MGME1: variants seen among roughly 807,000 people sequenced by gnomAD.
MGME1 encodes mitochondrial genome maintenance exonuclease 1.
MGME1 carries 22 observed loss-of-function variants against 33.0 expected under a neutral mutation model. The ratio of observed to expected loss-of-function variants is 0.67; its 90% CI spans 0.48 to 0.95. MGME1 has a LOEUF of 0.95. Among genes scored for constraint, MGME1 ranks in the 40% least tolerant of loss-of-function variants. The pLI is 0.00. For synonymous variants in MGME1, 133 were observed against 144.0 expected, an observed-to-expected ratio of 0.92 and a Z score of 0.55; for missense variants, 383 against 397.8, an observed-to-expected ratio of 0.96 and a Z score of 0.32.
intron 3 of MGME1, among the ~76,000 whole-genome samples, chr20:17,978,495 G>A (rs931274894): frequency 3.3e-5 from 5 of 152,042 alleles, no homozygotes; most frequent in South Asian, 2.1e-4. Context: ...GTGAGCCACC[G>A]CGCCTGGCCT....
chr20:17,989,820 G>T, intron 4 of MGME1, 119 bp from the exon 5 acceptor site: 1 of 869,268 alleles, frequency 1.2e-6, no homozygotes, highest in South Asian at 1.7e-5. Flanking sequence ...CTTAGAAACT[G>T]AGTTAGGAGA....
chr20:17,988,678 T>TG (rs895933944), intron 4 of MGME1, among the ~76,000 whole-genome samples: 3 of 135,076 alleles, frequency 2.2e-5, no homozygotes, highest in East Asian at 2.2e-4. Context: ...AACTTCTCAG[T>TG]GGGGGGGTAG....
chr20:17,976,903 C>T lies in MGME1; in HGVS notation c.731+1000C>T, dbSNP rs577428893. The stretch of plus-strand genomic sequence containing the variant: ...CTCGAACTTCGGACCTCAGGTGATC[C>T]GCCTGCCTCAGCCTCCCAAAGTGCT... On this transcript the variant is annotated intron_variant, in intron 3 of 4. Coordinates refer to ENST00000377710, the MANE Select transcript of MGME1 (RefSeq NM_052865.4). 5.3e-5 allele frequency among the ~76,000 whole-genome samples: 8 copies of T among 152,036 alleles called. No homozygotes were observed. The East Asian group carries it at 1.2e-3, about 22-fold the overall frequency.
chr20:17,974,360 C>T (rs1006134125), intron 2 of MGME1, among the ~76,000 whole-genome samples: 3 of 152,092 alleles, frequency 2.0e-5, no homozygotes, highest in Non-Finnish European at 2.9e-5. Flanking sequence ...CCACCATGCC[C>T]GGCCATGTTC....
chr20:17,984,417 T>C (rs193187120), intron 3 of MGME1, among the ~76,000 whole-genome samples: 7 of 152,240 alleles, frequency 4.6e-5, no homozygotes, highest in African/African-American at 1.7e-4. Context: ...TATCATCTAG[T>C]GATGTTATGT....
Position 17,970,355 on chromosome 20 carries a change from AAAG to A in MGME1, c.499_501del (p.Glu167del), listed in dbSNP as rs2035693716. 1 of 1,611,722 alleles carries A rather than the reference AAAG, an allele frequency of 6.2e-7. No individual in the cohort carries two copies. Among genetic ancestry groups the A allele is most frequent in the Non-Finnish European group, 8.5e-7 (1 of 1,179,350 alleles). On this transcript the variant is annotated inframe_deletion, in exon 2 of 5. Coordinates refer to ENST00000377710, the MANE Select transcript of MGME1 (RefSeq NM_052865.4). ...TCTGGAACTGGGAGAAGATGGCTTTAAAGAATACACTTCAAGTAATTATCTCAA... is the reference window on the plus strand; with the variant it reads ...TCTGGAACTGGGAGAAGATGGCTTTAAATACACTTCAAGTAATTATCTCAA...
Position 17,988,231 on chromosome 20 carries a change from T to G in MGME1, c.797T>G (p.Phe266Cys). ...CCAAAGCCTTTTATTCAAAGTACAT[T>G]TGACAACCCACTGCAAGTTGTGGCA... ...EKPKPFIQST[F>C]DNPLQVVAYM... The change falls in exon 4 of 5, where the codon TTT becomes TGT. Residue 266 changes from phenylalanine to cysteine, a missense_variant. Physicochemically the swap from Phe to Cys is radical, Grantham distance 205 (BLOSUM62 -2). Coordinates refer to ENST00000377710, the MANE Select transcript of MGME1 (RefSeq NM_052865.4). The G allele has an allele frequency of 6.2e-7, 1 of 1,614,102 alleles. No homozygotes were observed. The highest frequency in any genetic ancestry group is 1.1e-5 in the South Asian group (1 of 91,058).
At position 17,990,423 on chromosome 20, in the gene MGME1, G is replaced by GGGGGGGGGGC. The variant is rs1568619927; in HGVS notation, c.*314_*315insGGGGGGGGGC. 3.6e-5 allele frequency: 9 copies of GGGGGGGGGGC among 251,608 alleles called. No individual in the cohort carries two copies. The highest frequency in any genetic ancestry group is 5.1e-5 in the African/African-American group (2 of 38,938). The allele number at this position is 251,608 out of a possible 1,614,324, so 15.6% of individuals were successfully genotyped here. ...CTTGAGGGACATTGGGGGGGGGGGG[G>GGGGGGGGGGC]CGTGGTCCCAGGCAGGATGCCCAGT... On this transcript the variant is annotated 3_prime_UTR_variant, in exon 5 of 5. Coordinates refer to ENST00000377710, the MANE Select transcript of MGME1 (RefSeq NM_052865.4).
intron 3 of MGME1, among the ~76,000 whole-genome samples, chr20:17,977,650 G>A (rs919558085): frequency 6.6e-6 from 1 of 152,148 alleles, no homozygotes; most frequent in Non-Finnish European, 1.5e-5. Context: ...TGCAAGAATC[G>A]ATACTATCTT....
In MGME1 at chr20:17,987,641, A is replaced by T. The variant is rs561247352; in HGVS notation, c.732-525A>T. On this transcript the variant is annotated intron_variant, in intron 3 of 4. Transcript: ENST00000377710. ...TACTTCTTTTAGCCAGTGCTGCTCT[A>T]GACTGAGTTTGCATGAGGTGTAACT... Among the ~76,000 whole-genome samples the T allele has an allele frequency of 4.2e-4, 64 of 152,294 alleles. 2 individuals carry two copies. In the South Asian group the frequency reaches 0.013, roughly 30 times the overall value.
At chr20:17,972,285 A>G (rs920177739) in intron 2 of MGME1, among the ~76,000 whole-genome samples, 1 of 152,208 alleles carries the variant, frequency 6.6e-6, no homozygotes, top group African/African-American at 2.4e-5. Flanking sequence ...AGGTGAGAGC[A>G]TAGAAATGTG....
chr20:17,969,908 A>T lies in MGME1; in HGVS notation c.49A>T (p.Lys17Ter). Residue 17 changes from lysine to a stop codon, truncating the protein, a stop_gained, in exon 2 of 5, where the codon AAG (lysine) becomes TAG (stop). Transcript: ENST00000377710. LOFTEE classifies it high-confidence loss of function. ...QTICRQLRSSKFSVESAALVA... is the reference protein window; with the variant it reads ...QTICRQLRSS ...CATTTGCAGGCAGCTCAGGAGTTCAAAGTTTTCTGTGGAATCAGCTGCCCT... is the reference window on the plus strand; with the variant it reads ...CATTTGCAGGCAGCTCAGGAGTTCATAGTTTTCTGTGGAATCAGCTGCCCT... The T allele has an allele frequency of 6.2e-7, 1 of 1,613,748 alleles. No individual in the cohort carries two copies. Among genetic ancestry groups the T allele is most frequent in the Non-Finnish European group, 8.5e-7 (1 of 1,179,914 alleles).
intron 2 of MGME1, 35 bp downstream of exon 2, chr20:17,970,405 A>C (rs766405998): frequency 5.1e-6 from 8 of 1,561,054 alleles, no homozygotes; most frequent in Non-Finnish European, 6.9e-6. Context: ...TATGTTTGCT[A>C]TGTTTTCTAT....
chr20:17,990,528 A>T lies in MGME1; in HGVS notation c.*419A>T. 1 of 262,278 alleles carries T rather than the reference A, an allele frequency of 3.8e-6. No homozygotes were observed. The highest frequency in any genetic ancestry group is 2.2e-5 in the African/African-American group (1 of 44,540). The allele number at this position is 262,278 out of a possible 1,614,324, so 16.2% of individuals were successfully genotyped here. A position where few individuals can be genotyped will look rare whatever the true frequency, so the allele number is the denominator to read the frequency against. On this transcript the variant is annotated 3_prime_UTR_variant, in exon 5 of 5. Transcript: ENST00000377710. ...GTTCACCCAGAGGGGAAGGGGCTAC[A>T]TGCCCCCAGCTGTGTGCAGGGAGGA...
In MGME1 at chr20:17,970,317, A is replaced by C. The variant is rs2035691980; in HGVS notation, c.458A>C (p.Lys153Thr). 6.2e-7 allele frequency: 1 copy of C among 1,614,088 alleles called. No individual in the cohort carries two copies. Among genetic ancestry groups the C allele is most frequent in the Non-Finnish European group, 8.5e-7 (1 of 1,180,050 alleles). The change falls in exon 2 of 5, where the codon AAA (lysine) becomes ACA (threonine). Residue 153 changes from lysine (K) to threonine (T), a missense_variant. By Grantham distance (78) the Lys-to-Thr change is moderately conservative. Coordinates refer to ENST00000377710, the MANE Select transcript of MGME1 (RefSeq NM_052865.4). ...KQQVFLLERWKQRMILELGED... is the reference protein window; with the variant it reads ...KQQVFLLERWTQRMILELGED... ...CAGGTTTTCTTGTTGGAGAGGTGGAAACAGCGGATGATTCTGGAACTGGGA... is the reference window on the plus strand; with the variant it reads ...CAGGTTTTCTTGTTGGAGAGGTGGACACAGCGGATGATTCTGGAACTGGGA...
In MGME1 at chr20:17,990,671, G is replaced by A. The variant is rs1321134732; in HGVS notation, c.*562G>A. ...TTTAACCTTTTGAAAAAATAAATAC[G>A]TGATTAGCCTCAACTAAACATTGCT... On this transcript the variant is annotated 3_prime_UTR_variant, in exon 5 of 5. Transcript: ENST00000377710. 1.3e-5 allele frequency: 2 copies of A among 153,838 alleles called. No homozygotes were observed. Among genetic ancestry groups the A allele is most frequent in the Non-Finnish European group, 1.4e-5 (1 of 69,296 alleles). The allele number at this position is 153,838 out of a possible 1,614,324, so 9.5% of individuals were successfully genotyped here.
At chr20:17,983,650 GTAA>G (rs879397807) in intron 3 of MGME1, among the ~76,000 whole-genome samples, 1 of 152,164 alleles carries the variant, frequency 6.6e-6, no homozygotes, top group Non-Finnish European at 1.5e-5. Flanking sequence ...CAGGCATGAG[GTAA>G]TAATAGCCCA....
At chr20:17,981,990 A>G (rs558400316) in intron 3 of MGME1, among the ~76,000 whole-genome samples, 24 of 152,070 alleles carry the variant, frequency 1.6e-4, no homozygotes, top group African/African-American at 5.3e-4. Flanking sequence ...ATTCTTTTGT[A>G]TGAATGAGCC....
chr20:17,979,355 C>T (rs976696648), intron 3 of MGME1, among the ~76,000 whole-genome samples: 1 of 151,924 alleles, frequency 6.6e-6, no homozygotes, highest in African/African-American at 2.4e-5. Flanking sequence ...CTGGGATTTA[C>T]AGGTGTGAGG....
Sources: gnomAD v4.1 joint callset for allele counts (sites outside exome capture counted in the v4.1 genomes callset) on GRCh38, gnomAD v4.1.1 for gene constraint, MANE v1.5 for transcripts, NCBI Gene and HGNC (gene_info 2026-07-23, HGNC 2026-07-21) for gene names.